AGL: variants seen among roughly 807,000 people sequenced by gnomAD.
AGL encodes the protein amylo-alpha-1,6-glucosidase and 4-alpha-glucanotransferase, also known as glycogen debranching enzyme.
In AGL, 128 loss-of-function variants were observed where a neutral mutation model predicts 199.3. The ratio of observed to expected loss-of-function variants is 0.64; its 90% CI spans 0.56 to 0.74. The LOEUF (loss-of-function observed/expected upper bound fraction) is 0.74. Ranked by LOEUF, AGL falls within the 30% of genes least tolerant of loss-of-function variation. The probability of loss-of-function intolerance (pLI) is 0.00; values close to 1 mark genes in which losing one functional copy is unlikely to be tolerated. For missense variants in AGL, 1,809 were observed against 1,820.8 expected, an observed-to-expected ratio of 0.99 and a Z score of 0.12; for synonymous variants, 584 against 594.7, an observed-to-expected ratio of 0.98 and a Z score of 0.26.
At chr1:99,864,881 A>G (rs1650376405) in intron 5 of AGL, among the ~76,000 whole-genome samples, 1 of 152,244 alleles carries the variant, frequency 6.6e-6, no homozygotes, top group Non-Finnish European at 1.5e-5. Context: ...ATTTCAACTT[A>G]CAGTACAGTA....
chr1:99,923,406 A>C lies in AGL; in HGVS notation c.*1755A>C, dbSNP rs1655645232. 2.6e-5 allele frequency: 4 copies of C among 152,222 alleles called. No homozygotes were observed. In the South Asian group the frequency reaches 8.3e-4, roughly 32 times the overall value. 9.4% of individuals were successfully genotyped at this position (152,222 alleles called of 1,614,324 possible). A position where few individuals can be genotyped will look rare whatever the true frequency, so the allele number is the denominator to read the frequency against. On this transcript the variant is annotated 3_prime_UTR_variant, in exon 34 of 34. Coordinates refer to ENST00000361915, the MANE Select transcript of AGL (RefSeq NM_000642.3). The stretch of plus-strand genomic sequence containing the variant: ...GAAAACCAGCATATTTAATCAAAGC[A>C]AGAAGTAATCGCTGACAGTTAAATG...
At position 99,870,490 on chromosome 1, in the gene AGL, G is replaced by A; in HGVS notation, c.755G>A (p.Arg252Lys). ...TTAAAACCTGCCTGGGTCTTAGACA[G>A]AGCACTTTGGCGTTTCTCCTGTGAT... ...PHLKPAWVLD[R>K]ALWRFSCDVA... Residue 252 changes from arginine to lysine, a missense_variant, in exon 6 of 34, where the codon AGA (arginine) becomes AAA (lysine). Coordinates refer to ENST00000361915, the MANE Select transcript of AGL (RefSeq NM_000642.3). 1 of 1,614,036 alleles carries A rather than the reference G, an allele frequency of 6.2e-7. No homozygotes were observed. Among genetic ancestry groups the A allele is most frequent in the Non-Finnish European group, 8.5e-7 (1 of 1,179,948 alleles).
chr1:99,916,439 A>G lies in AGL; in HGVS notation c.4289A>G (p.Asn1430Ser), dbSNP rs781155572. The G allele has an allele frequency of 6.2e-7, 1 of 1,612,286 alleles. No homozygotes were observed. The highest frequency in any genetic ancestry group is 8.5e-7 in the Non-Finnish European group (1 of 1,178,924). The part of the protein sequence containing the change: ...DDMVYCGIYD[N>S]ALDNDNYNLA... ...ATGGTTTACTGTGGAATTTATGACA[A>G]TGCATTAGACAATGACAACTACAAT... The change falls in exon 32 of 34, where the codon AAT becomes AGT. Residue 1430 changes from asparagine to serine, a missense_variant. Physicochemically the swap from Asn to Ser is conservative, Grantham distance 46. Transcript: ENST00000361915.
At chr1:99,866,485 CTT>C (rs1348098747) in intron 5 of AGL, among the ~76,000 whole-genome samples, 1 of 152,170 alleles carries the variant, frequency 6.6e-6, no homozygotes, top group Non-Finnish European at 1.5e-5. Context: ...GCAGGCATGT[CTT>C]TTTGGGTATG....
At chr1:99,888,130 T>C (rs1213666500) in intron 21 of AGL, 22 bp downstream of exon 21, 1 of 1,610,936 alleles carries the variant, frequency 6.2e-7, no homozygotes, top group South Asian at 1.1e-5. Context: ...GAAGGATAGC[T>C]GAGCTTTGTG....
chr1:99,883,749 A>G (rs1652231744), intron 17 of AGL, among the ~76,000 whole-genome samples: 1 of 152,172 alleles, frequency 6.6e-6, no homozygotes, highest in African/African-American at 2.4e-5. Flanking sequence ...GTATTTGTAA[A>G]GTTTAAGTGA....
chr1:99,864,552 T>C lies in AGL; in HGVS notation c.627T>C (p.Asn209=), dbSNP rs1171143263. ...QLVEKLKKEW[N]VICITDVVYN... ...TGGAAAAATTAAAAAAGGAATGGAATGTTATTTGTATTACTGATGTTGTCT... is the reference window on the plus strand; with the variant it reads ...TGGAAAAATTAAAAAAGGAATGGAACGTTATTTGTATTACTGATGTTGTCT... The change falls in exon 5 of 34, where the codon AAT becomes AAC. Residue 209 remains asparagine (N), a synonymous_variant. Transcript: ENST00000361915. 4 of 1,613,808 alleles carry C rather than the reference T, an allele frequency of 2.5e-6. No homozygotes were observed. The highest frequency in any genetic ancestry group is 3.4e-6 in the Non-Finnish European group (4 of 1,179,910).
At chr1:99,857,883 CTA>C (rs1649698313) in intron 2 of AGL, among the ~76,000 whole-genome samples, 1 of 100,824 alleles carries the variant, frequency 9.9e-6, no homozygotes, top group South Asian at 3.2e-4. Flanking sequence ...TCTTTTCTCT[CTA>C]CCTGTTTTAG....
intron 30 of AGL, 148 bp from the exon 31 acceptor site, chr1:99,915,241 A>T (rs1047011865): frequency 4.2e-6 from 3 of 715,432 alleles, no homozygotes; most frequent in Middle Eastern, 2.8e-4. Flanking sequence ...GCCTCATAGG[A>T]TTAGATCTGT....
intron 21 of AGL, 119 bp from the exon 22 acceptor site, chr1:99,891,101 C>A: frequency 8.0e-7 from 1 of 1,243,956 alleles, no homozygotes. Flanking sequence ...CTTGTGTGTG[C>A]CTCTAATACG....
intron 27 of AGL, among the ~76,000 whole-genome samples, chr1:99,909,418 TC>T (rs1654573202): frequency 6.6e-6 from 1 of 151,690 alleles, no homozygotes; most frequent in Admixed American, 6.6e-5. Context: ...GGGATAGGAG[TC>T]CAGGCTTCCA....
Position 99,892,525 on chromosome 1 carries a change from T to G in AGL, c.3177T>G (p.Leu1059=). The G allele has an allele frequency of 6.2e-7, 1 of 1,613,672 alleles. No individual in the cohort carries two copies. The highest frequency in any genetic ancestry group is 8.5e-7 in the Non-Finnish European group (1 of 1,179,720). ...GVGKFPSLPI[L]SPALMDVPYR... ...GAAAATTCCCTTCCCTGCCAATTCT[T>G]TCACCTGCCCTAATGGATGTACCTT... is the stretch of plus-strand genomic sequence containing the variant. The change falls in exon 24 of 34, where the codon CTT becomes CTG. Residue 1059 remains leucine, a synonymous_variant. Transcript: ENST00000361915.
chr1:99,883,828 C>A (rs1171272532), intron 17 of AGL, among the ~76,000 whole-genome samples: 1 of 152,004 alleles, frequency 6.6e-6, no homozygotes, highest in Non-Finnish European at 1.5e-5. Context: ...AAAATGTAAG[C>A]CTTTCAAGTG....
chr1:99,918,883 G>A (rs569181277), intron 33 of AGL, among the ~76,000 whole-genome samples: 6 of 152,226 alleles, frequency 3.9e-5, no homozygotes, highest in South Asian at 2.1e-4. Context: ...AAATTATGAC[G>A]TTTTCAAATC....
At chr1:99,887,936 C>T (rs376774172) in intron 20 of AGL, 42 bp from the exon 21 acceptor site, 64 of 1,607,578 alleles carry the variant, frequency 4.0e-5, no homozygotes, top group African/African-American at 2.3e-4. Flanking sequence ...TGACAACAAG[C>T]GAAACTTCAA....
At chr1:99,867,028 A>G (rs531417509) in intron 5 of AGL, among the ~76,000 whole-genome samples, 9 of 152,258 alleles carry the variant, frequency 5.9e-5, no homozygotes, top group African/African-American at 2.2e-4. Flanking sequence ...CATGTTGGTC[A>G]GGCTGTTCTT....
At chr1:99,905,512 C>T (rs558819850) in intron 27 of AGL, among the ~76,000 whole-genome samples, 30 of 152,242 alleles carry the variant, frequency 2.0e-4, no homozygotes, top group African/African-American at 6.7e-4. Context: ...TTTTCATGTG[C>T]TCATTGGCCA....
rs557204117 is a variant in AGL at position 99,878,645 on chromosome 1, C to G, written c.1611+817C>G. On this transcript the variant is annotated intron_variant, in intron 12 of 33. Transcript: ENST00000361915. ...GGCACTGCTTATAAGATTTTTGATA[C>G]CTTACTAGTGACCAGTGTCACTTAG... is the stretch of plus-strand genomic sequence containing the variant. 5.6e-4 allele frequency among the ~76,000 whole-genome samples: 85 copies of G among 151,846 alleles called. No homozygotes were observed. The Middle Eastern group carries it at 0.017, about 30-fold the overall frequency.
At chr1:99,901,004 G>T in intron 26 of AGL, 143 bp downstream of exon 26, 1 of 771,606 alleles carries the variant, frequency 1.3e-6, no homozygotes, top group Non-Finnish European at 2.1e-6. Flanking sequence ...GGCACCTGCT[G>T]GTACTATAAG....
Sources: allele counts gnomAD v4.1 joint callset (sites outside exome capture counted in the v4.1 genomes callset), GRCh38; gene constraint gnomAD v4.1.1; transcripts MANE v1.5; gene names NCBI Gene and HGNC (gene_info 2026-07-23, HGNC 2026-07-21).